The following DLGAP2 variants were observed in gnomAD, a reference collection of about 807,000 sequenced individuals.
DLGAP2 encodes disks large-associated protein 2.
In DLGAP2, 26 loss-of-function variants were observed where a neutral mutation model predicts 100.3. The ratio of observed to expected loss-of-function variants is 0.26; its 90% confidence interval spans 0.19 to 0.36. The LOEUF (loss-of-function observed/expected upper bound fraction) is 0.36, where lower values mean the gene tolerates loss of function less well. Among genes scored for constraint, DLGAP2 ranks in the 10% least tolerant of loss-of-function variants. DLGAP2 has a pLI of 1.00. For missense variants in DLGAP2, 1,858 were observed against 1,453.2 expected (o/e 1.28, Z -4.53); for synonymous variants, 886 against 630.1 (o/e 1.41, Z -6.08).
chr8:1,592,018 C>G (rs186717177), intron 6 of DLGAP2, among the ~76,000 whole-genome samples: 2 of 152,168 alleles, frequency 1.3e-5, no homozygotes, highest in Non-Finnish European at 2.9e-5. Flanking sequence ...TCCTGCCACA[C>G]GATTCTGCTG....
intron 2 of DLGAP2, among the ~76,000 whole-genome samples, chr8:1,235,318 TTCTC>T (rs1382626227): frequency 6.6e-6 from 1 of 150,902 alleles, no homozygotes; most frequent in Non-Finnish European, 1.5e-5. Context: ...TCGTGTCTAG[TTCTC>T]TCTCACATGG....
intron 2 of DLGAP2, among the ~76,000 whole-genome samples, chr8:1,195,300 C>G (rs1467487473): frequency 6.6e-6 from 1 of 152,166 alleles, no homozygotes; most frequent in Non-Finnish European, 1.5e-5. Flanking sequence ...TCCCTGCACC[C>G]TCAGGAGCAG....
intron 2 of DLGAP2, among the ~76,000 whole-genome samples, chr8:1,254,458 T>C (rs1169577205): frequency 1.3e-5 from 2 of 152,140 alleles, no homozygotes; most frequent in African/African-American, 4.8e-5. Flanking sequence ...TAAGATGCAA[T>C]GGGCTTCTAT....
rs542478714 is a variant in DLGAP2 at position 1,470,309 on chromosome 8, A to T, written c.107-31057A>T. Among the ~76,000 whole-genome samples the T allele has an allele frequency of 5.3e-5, 8 of 152,222 alleles. No individual in the cohort carries two copies. The East Asian group carries it at 1.5e-3, about 29-fold the overall frequency. On this transcript the variant is annotated intron_variant, in intron 3 of 14. Transcript: ENST00000637795. ...TCCATCCAGCACTTCTCAGCCCCCA[A>T]TGCCATCCTTCATCCCTCAGCTGGT...
chr8:1,103,986 G>A lies in DLGAP2; in HGVS notation c.74-154865G>A, dbSNP rs552736142. ...TCTTCTAACAACAAACCCTTTCTGGGCCCCTGCATCAGGTGGCATCACAAG... is the reference window on the plus strand; with the variant it reads ...TCTTCTAACAACAAACCCTTTCTGGACCCCTGCATCAGGTGGCATCACAAG... On this transcript the variant is annotated intron_variant, in intron 2 of 14. Coordinates refer to ENST00000637795, the MANE Select transcript of DLGAP2 (RefSeq NM_001346810.2). Among the ~76,000 whole-genome samples, 28 of 152,322 alleles carry A rather than the reference G, an allele frequency of 1.8e-4. 1 individual carries two copies. Among genetic ancestry groups the A allele is most frequent in the African/African-American group, 4.1e-4 (17 of 41,576 alleles).
At chr8:757,484 C>T (rs1165620484) in intron 1 of DLGAP2, among the ~76,000 whole-genome samples, 1 of 152,146 alleles carries the variant, frequency 6.6e-6, no homozygotes, top group Non-Finnish European at 1.5e-5. Context: ...CACCCGTAGG[C>T]ACTGGGCTGA....
intron 2 of DLGAP2, among the ~76,000 whole-genome samples, chr8:1,092,426 G>A (rs1221006347): frequency 6.6e-6 from 1 of 152,212 alleles, no homozygotes; most frequent in East Asian, 1.9e-4. Context: ...GCTTGCCTGT[G>A]GTTGGACTTC....
intron 3 of DLGAP2, among the ~76,000 whole-genome samples, chr8:1,419,397 C>A (rs7003652): frequency 1.8e-5 from 1 of 54,068 alleles, no homozygotes; most frequent in Non-Finnish European, 3.3e-5. Context: ...GGTTGACTCA[C>A]AGTAATTGTA....
At chr8:1,421,235 C>G (rs1797079217) in intron 3 of DLGAP2, among the ~76,000 whole-genome samples, 1 of 152,190 alleles carries the variant, frequency 6.6e-6, no homozygotes, top group Non-Finnish European at 1.5e-5. Flanking sequence ...TGTGTGAGAG[C>G]TGCTGTAATC....
At chr8:1,577,347 T>C (rs1408081089) in intron 6 of DLGAP2, among the ~76,000 whole-genome samples, 1 of 152,076 alleles carries the variant, frequency 6.6e-6, no homozygotes, top group South Asian at 2.1e-4. Flanking sequence ...GGTGGGCAGA[T>C]CAACTGAGGT....
rs188385571 is a variant in DLGAP2 at position 1,330,763 on chromosome 8, C to G, written c.106+71880C>G. Among the ~76,000 whole-genome samples, 8 of 132,448 alleles carry G rather than the reference C, an allele frequency of 6.0e-5. 1 individual carries two copies. In the East Asian group the frequency reaches 1.8e-3, roughly 30 times the overall value. 86.9% of individuals were successfully genotyped at this position (132,448 alleles called of 152,430 possible). A position where few individuals can be genotyped will look rare whatever the true frequency, so the allele number is the denominator to read the frequency against. ...TGAGTTCTGGGTGGGAGCACCGCTTCATCGGGACCGAGTTCTGGGTGGGAG... is the reference window on the plus strand; with the variant it reads ...TGAGTTCTGGGTGGGAGCACCGCTTGATCGGGACCGAGTTCTGGGTGGGAG... On this transcript the variant is annotated intron_variant, in intron 3 of 14. Transcript: ENST00000637795.
chr8:1,419,671 T>C (rs897200547), intron 3 of DLGAP2, among the ~76,000 whole-genome samples: 1 of 152,212 alleles, frequency 6.6e-6, no homozygotes, highest in African/African-American at 2.4e-5. Flanking sequence ...AGATACTGTC[T>C]CACTCCAGTT....
intron 1 of DLGAP2, among the ~76,000 whole-genome samples, chr8:826,880 C>T (rs985444887): frequency 5.3e-5 from 8 of 152,168 alleles, no homozygotes; most frequent in South Asian, 2.1e-4. Context: ...TTTCCAGCCT[C>T]GCACCAGTCT....
intron 1 of DLGAP2, among the ~76,000 whole-genome samples, chr8:868,153 C>A (rs548049436): frequency 6.6e-6 from 1 of 152,112 alleles, no homozygotes; most frequent in Non-Finnish European, 1.5e-5. Context: ...GTGTAATTAA[C>A]CCTATGGATA....
chr8:1,451,009 G>A lies in DLGAP2; in HGVS notation c.107-50357G>A, dbSNP rs866933411. ...GTGACAAGGGAGTCCCAGGGTCACCGAATTCCAGGGCATCACTGGCTCACT... is the reference window on the plus strand; with the variant it reads ...GTGACAAGGGAGTCCCAGGGTCACCAAATTCCAGGGCATCACTGGCTCACT... On this transcript the variant is annotated intron_variant, in intron 3 of 14. Transcript: ENST00000637795. Among the ~76,000 whole-genome samples the A allele has an allele frequency of 7.9e-5, 12 of 152,242 alleles. 1 individual carries two copies. In the Middle Eastern group the frequency reaches 0.02, roughly 259 times the overall value.
intron 1 of DLGAP2, among the ~76,000 whole-genome samples, chr8:805,705 A>G (rs983148122): frequency 1.3e-5 from 2 of 152,094 alleles, no homozygotes; most frequent in African/African-American, 4.8e-5. Context: ...GGCTGAAGCA[A>G]TCATCCCTTC....
intron 2 of DLGAP2, among the ~76,000 whole-genome samples, chr8:1,026,853 C>T (rs1281756948): frequency 4.6e-5 from 7 of 152,144 alleles, no homozygotes; most frequent in Non-Finnish European, 8.8e-5. Flanking sequence ...CTAACTGACC[C>T]CCAACACATT....
At chr8:925,657 C>G (rs1459905437) in intron 2 of DLGAP2, among the ~76,000 whole-genome samples, 1 of 152,110 alleles carries the variant, frequency 6.6e-6, no homozygotes, top group Non-Finnish European at 1.5e-5. Context: ...TTTGTTTACA[C>G]ATATGTAGAC....
intron 1 of DLGAP2, among the ~76,000 whole-genome samples, chr8:873,270 A>C (rs1185321998): frequency 2.0e-5 from 3 of 152,208 alleles, no homozygotes; most frequent in African/African-American, 4.8e-5. Flanking sequence ...ATATCATGCC[A>C]TCAGGAAATA....
Sources: allele counts gnomAD v4.1 joint callset (sites outside exome capture counted in the v4.1 genomes callset), GRCh38; gene constraint gnomAD v4.1.1; transcripts MANE v1.5; gene names NCBI Gene and HGNC (gene_info 2026-07-23, HGNC 2026-07-21).